The following DNM1 variants were observed in gnomAD, a reference collection of about 807,000 sequenced individuals.
DNM1 encodes the protein dynamin-1.
DNM1 carries 29 observed loss-of-function variants against 104.6 expected under a neutral mutation model. That is an observed-to-expected ratio of 0.28 (90% confidence interval 0.21 to 0.38). DNM1 has a LOEUF of 0.38. Ranked by LOEUF, DNM1 falls within the 10% of genes least tolerant of loss-of-function variation. The probability of loss-of-function intolerance (pLI) is 1.00; values close to 1 mark genes in which losing one functional copy is unlikely to be tolerated. For missense variants in DNM1, 640 were observed against 1,189.4 expected (o/e 0.54, Z 6.79); for synonymous variants, 445 against 475.8 (o/e 0.94, Z 0.84).
In DNM1 at chr9:128,218,747, C is replaced by T. The variant is rs1472963174; in HGVS notation, c.385+16C>T. 1 of 1,578,332 alleles carries T rather than the reference C, an allele frequency of 6.3e-7. No homozygotes were observed. Among genetic ancestry groups the T allele is most frequent in the South Asian group, 1.1e-5 (1 of 88,574 alleles). ...TCGCCGCACGGTGAGGACCCTGGCC[C>T]CGCCCTAACCTCTAAGAATCATTTT... On this transcript the variant is annotated intron_variant, in intron 3 of 21. Coordinates refer to ENST00000372923, the MANE Select transcript of DNM1 (RefSeq NM_004408.4). This position sits in a 1 kb window ranked among gnomAD's most constrained non-coding sequence, Gnocchi z 4.8.
intron 19 of DNM1, among the ~76,000 whole-genome samples, chr9:128,249,061 C>A (rs1027218468): frequency 6.6e-6 from 1 of 151,702 alleles, no homozygotes; most frequent in East Asian, 1.9e-4. Flanking sequence ...GGTGTGGTAG[C>A]GTGAGCCTGT....
At position 128,253,509 on chromosome 9, in the gene DNM1, G is replaced by A. The variant is rs1483143227; in HGVS notation, c.2535-1145G>A. ...GTCGTGTGTGGGGCTGGACTCTGAG[G>A]CGGCCAGAGGCCTAGGAACGTTATC... On this transcript the variant is annotated intron_variant, in intron 21 of 21. Coordinates refer to ENST00000372923, the MANE Select transcript of DNM1 (RefSeq NM_004408.4). The surrounding 1 kb of genome is among the most constrained non-coding windows in gnomAD (Gnocchi z 5.9). The A allele has an allele frequency of 3.3e-6, 1 of 300,396 alleles. No individual in the cohort carries two copies. Among genetic ancestry groups the A allele is most frequent in the Non-Finnish European group, 6.3e-6 (1 of 159,488 alleles). 18.6% of individuals were successfully genotyped at this position (300,396 alleles called of 1,614,324 possible).
In DNM1 at chr9:128,222,267, T is replaced by C. The variant is rs1052613908; in HGVS notation, c.920T>C (p.Ile307Thr). ...RNKLQSQLLS[I>T]EKEVEEYKNF... is the part of the protein sequence containing the mutation. ...AAGCTGCAGAGCCAGCTACTGTCCA[T>C]TGAGAAGGAGGTGGAGGAATACAAG... Residue 307 changes from isoleucine to threonine, a missense_variant, in exon 7 of 22, where the codon ATT becomes ACT. Ile to Thr is a moderately conservative substitution (Grantham distance 89, BLOSUM62 -1). Coordinates refer to ENST00000372923, the MANE Select transcript of DNM1 (RefSeq NM_004408.4). This position sits in a 1 kb window ranked among gnomAD's most constrained non-coding sequence, Gnocchi z 7.8. 35 of 1,613,980 alleles carry C rather than the reference T, an allele frequency of 2.2e-5. No individual in the cohort carries two copies. Among genetic ancestry groups the C allele is most frequent in the Non-Finnish European group, 3.0e-5 (35 of 1,180,014 alleles).
At chr9:128,208,908 G>C (rs182914141) in intron 1 of DNM1, among the ~76,000 whole-genome samples, 1 of 152,180 alleles carries the variant, frequency 6.6e-6, no homozygotes, top group Non-Finnish European at 1.5e-5. Context: ...GACTTCCGCA[G>C]GTGCAGGGAC....
chr9:128,250,002 G>A lies in DNM1; in HGVS notation c.2077-113G>A. 7 of 1,493,472 alleles carry A rather than the reference G, an allele frequency of 4.7e-6. No homozygotes were observed. The South Asian group carries it at 8.4e-5, about 18-fold the overall frequency. The allele number at this position is 1,493,472 out of a possible 1,614,324, so 92.5% of individuals were successfully genotyped here. A position where few individuals can be genotyped will look rare whatever the true frequency, so the allele number is the denominator to read the frequency against. ...TGAATCTTCCAGTCTACGCAGTGTA[G>A]GAGCCGCGTCTGAAAAGCCACACCA... On this transcript the variant is annotated intron_variant, in intron 19 of 21. Transcript: ENST00000372923.
chr9:128,222,719 G>T lies in DNM1; in HGVS notation c.1129-74G>T. 1.2e-6 allele frequency: 2 copies of T among 1,603,712 alleles called. No individual in the cohort carries two copies. The highest frequency in any genetic ancestry group is 1.1e-5 in the South Asian group (1 of 90,424). ...GGCCCTGATGCCCAGCCCTAGGTGT[G>T]GGGTGGGCCCTGTCTTGACCTCCCA... On this transcript the variant is annotated intron_variant, in intron 8 of 21. Transcript: ENST00000372923. The surrounding 1 kb of genome is among the most constrained non-coding windows in gnomAD (Gnocchi z 7.8).
chr9:128,239,573 T>TAC (rs1212436394), intron 12 of DNM1, 58 bp downstream of exon 12: 115 of 565,198 alleles, frequency 2.0e-4, no homozygotes, highest in Admixed American at 3.7e-4. Flanking sequence ...GTAACGTGTG[T>TAC]GTGTGTGTGT....
At chr9:128,250,391 C>T in intron 20 of DNM1, 35 bp downstream of exon 20, 2 of 1,533,878 alleles carry the variant, frequency 1.3e-6, no homozygotes. Flanking sequence ...CCAAAGCCCC[C>T]CAGCCCGGGG....
chr9:128,252,756 C>G (rs909127530), intron 21 of DNM1: 1 of 578,820 alleles, frequency 1.7e-6, no homozygotes, highest in Non-Finnish European at 3.3e-6. Flanking sequence ...CTAAGCACAC[C>G]AGGCACGAGT....
intron 11 of DNM1, among the ~76,000 whole-genome samples, chr9:128,235,731 AC>A (rs1169738963): frequency 6.6e-6 from 1 of 151,904 alleles, no homozygotes; most frequent in Non-Finnish European, 1.5e-5. Context: ...TTTTTTGGAG[AC>A]AGAGTCCTGC....
In DNM1 at chr9:128,224,152, T is replaced by C; in HGVS notation, c.1197-99T>C. On this transcript the variant is annotated intron_variant, in intron 9 of 21. Transcript: ENST00000372923. This position sits in a 1 kb window ranked among gnomAD's most constrained non-coding sequence, Gnocchi z 4.3. ...CAGAGAGGGGTAGTGGAAGGGCCCC[T>C]CAGGCAGAGTTCGTGGGCTTGGGGA... is the stretch of plus-strand genomic sequence containing the variant. 6.8e-7 allele frequency: 1 copy of C among 1,476,824 alleles called. No homozygotes were observed. The highest frequency in any genetic ancestry group is 9.1e-7 in the Non-Finnish European group (1 of 1,104,114). The allele number at this position is 1,476,824 out of a possible 1,614,324, so 91.5% of individuals were successfully genotyped here.
At chr9:128,239,641 C>A in intron 12 of DNM1, 87 bp from the exon 13 acceptor site, 2 of 1,421,058 alleles carry the variant, frequency 1.4e-6, no homozygotes, top group South Asian at 2.4e-5. Context: ...GCTAGGTTAA[C>A]CCTCTGGGTC....
chr9:128,250,573 G>T, intron 20 of DNM1, 152 bp from the exon 21 acceptor site: 4 of 941,128 alleles, frequency 4.3e-6, no homozygotes, highest in South Asian at 1.9e-5. Context: ...GCCGCTGGGG[G>T]CGGGGCTTAA....
chr9:128,254,556 GCGGCGCGGCCGGCCC>G lies in DNM1; in HGVS notation c.2535-93_2535-79del, dbSNP rs1299050112. On this transcript the variant is annotated intron_variant, in intron 21 of 21. Coordinates refer to ENST00000372923, the MANE Select transcript of DNM1 (RefSeq NM_004408.4). This position sits in a 1 kb window ranked among gnomAD's most constrained non-coding sequence, Gnocchi z 6.1. Reference sequence around the variant, plus strand: ...CCTCCCCGGCCCTCCCACCACTGCTGCGGCGCGGCCGGCCCCGGCCGTGTGCTGCGCTTGCCTTAC... The same window carrying G: ...CCTCCCCGGCCCTCCCACCACTGCTGCGGCCGTGTGCTGCGCTTGCCTTAC... 5.1e-6 allele frequency: 8 copies of G among 1,574,146 alleles called. No individual in the cohort carries two copies. The highest frequency in any genetic ancestry group is 6.0e-6 in the Non-Finnish European group (7 of 1,168,040).
chr9:128,205,667 G>T (rs1394817806), intron 1 of DNM1, among the ~76,000 whole-genome samples: 4 of 152,148 alleles, frequency 2.6e-5, no homozygotes, highest in Non-Finnish European at 5.9e-5. Flanking sequence ...TCCTGAGAAG[G>T]TGACTGTGGG....
chr9:128,254,280 G>A lies in DNM1; in HGVS notation c.2535-374G>A. 1 of 1,386,950 alleles carries A rather than the reference G, an allele frequency of 7.2e-7. No homozygotes were observed. The highest frequency in any genetic ancestry group is 2.6e-4 in the Middle Eastern group (1 of 3,782). 85.9% of individuals were successfully genotyped at this position (1,386,950 alleles called of 1,614,324 possible). A position where few individuals can be genotyped will look rare whatever the true frequency, so the allele number is the denominator to read the frequency against. ...TGCATGGGGCTCCCCAAGGCAAGGG[G>A]TGGCCCCAGGCCAGTGGGTTGGAAG... On this transcript the variant is annotated intron_variant, in intron 21 of 21. Transcript: ENST00000372923. This position sits in a 1 kb window ranked among gnomAD's most constrained non-coding sequence, Gnocchi z 6.1.
chr9:128,211,204 T>C (rs2502729), intron 1 of DNM1, among the ~76,000 whole-genome samples: 90,955 of 151,656 alleles, frequency 0.6, 29,737 homozygotes, highest in East Asian at 1. Flanking sequence ...TGCCCCCTAA[T>C]CCATTCCCCG....
intron 1 of DNM1, among the ~76,000 whole-genome samples, chr9:128,207,685 T>C (rs939995002): frequency 3.9e-5 from 6 of 152,166 alleles, no homozygotes; most frequent in African/African-American, 1.4e-4. Context: ...AGCTGCTATT[T>C]CCTCATCTGT....
Position 128,220,294 on chromosome 9 carries a change from T to C in DNM1, c.802T>C (p.Leu268=), listed in dbSNP as rs760618115. The change falls in exon 6 of 22, where the codon TTG becomes CTG. Residue 268 remains leucine (L), a synonymous_variant. Coordinates refer to ENST00000372923, the MANE Select transcript of DNM1 (RefSeq NM_004408.4). The surrounding 1 kb of genome is among the most constrained non-coding windows in gnomAD (Gnocchi z 5.2). Reference sequence around the variant, plus strand: ...CCTCTCCCATCCATCTTATCGCCACTTGGCTGACCGTATGGGCACGCCCTA... The same window carrying C: ...CCTCTCCCATCCATCTTATCGCCACCTGGCTGACCGTATGGGCACGCCCTA... ...FFLSHPSYRH[L]ADRMGTPYLQ... 1 of 1,614,220 alleles carries C rather than the reference T, an allele frequency of 6.2e-7. No homozygotes were observed. Among genetic ancestry groups the C allele is most frequent in the South Asian group, 1.1e-5 (1 of 91,086 alleles).
Sources: allele counts gnomAD v4.1 joint callset (sites outside exome capture counted in the v4.1 genomes callset), GRCh38; gene constraint gnomAD v4.1.1; non-coding constraint Gnocchi (gnomAD v3.1); transcripts MANE v1.5; gene names NCBI Gene and HGNC (gene_info 2026-07-23, HGNC 2026-07-21).